The following ALKBH5 variants were observed in gnomAD, a reference collection of about 807,000 sequenced individuals.
ALKBH5 encodes the protein RNA demethylase ALKBH5.
In ALKBH5, 2 loss-of-function variants were observed where a neutral mutation model predicts 32.1. The ratio of observed to expected loss-of-function variants is 0.06; its 90% confidence interval spans 0.03 to 0.20. The LOEUF (loss-of-function observed/expected upper bound fraction) is 0.20. ALKBH5 is among the 10% of genes least tolerant of loss of function. The pLI is 1.00. For missense variants in ALKBH5, 352 were observed against 559.5 expected, an observed-to-expected ratio of 0.63 and a Z score of 3.74; for synonymous variants, 300 against 231.7, an observed-to-expected ratio of 1.29 and a Z score of -2.68.
At chr17:18,193,390 A>G (rs1472625450) in intron 1 of ALKBH5, among the ~76,000 whole-genome samples, 1 of 151,806 alleles carries the variant, frequency 6.6e-6, no homozygotes, top group Non-Finnish European at 1.5e-5. Flanking sequence ...TACTGAAAAT[A>G]ACAAAAATTA....
Position 18,184,217 on chromosome 17 carries a change from G to A in ALKBH5, c.-27G>A. 1 of 1,477,848 alleles carries A rather than the reference G, an allele frequency of 6.8e-7. No individual in the cohort carries two copies. Among genetic ancestry groups the A allele is most frequent in the Non-Finnish European group, 8.9e-7 (1 of 1,123,988 alleles). The allele number at this position is 1,477,848 out of a possible 1,614,324, so 91.5% of individuals were successfully genotyped here. ...GCCCGGCTGCCCCGCCCGCCCCGGAGGACCCTAGAGCAGCGTCGTGGGGGC... is the reference window on the plus strand; with the variant it reads ...GCCCGGCTGCCCCGCCCGCCCCGGAAGACCCTAGAGCAGCGTCGTGGGGGC... On this transcript the variant is annotated 5_prime_UTR_variant, in exon 1 of 4. Coordinates refer to ENST00000399138, the MANE Select transcript of ALKBH5 (RefSeq NM_017758.4).
At chr17:18,193,324 G>T (rs1190068758) in intron 1 of ALKBH5, among the ~76,000 whole-genome samples, 4 of 152,026 alleles carry the variant, frequency 2.6e-5, no homozygotes, top group Non-Finnish European at 5.9e-5. Context: ...GAGGCTGGCG[G>T]ATCACGAGGT....
chr17:18,191,155 G>A (rs1010943671), intron 1 of ALKBH5, among the ~76,000 whole-genome samples: 3 of 152,234 alleles, frequency 2.0e-5, no homozygotes, highest in Non-Finnish European at 2.9e-5. Context: ...TAGCAAGTAG[G>A]TTCCTTAATA....
intron 1 of ALKBH5, among the ~76,000 whole-genome samples, chr17:18,192,524 C>G (rs2047182123): frequency 6.6e-6 from 1 of 152,182 alleles, no homozygotes; most frequent in South Asian, 2.1e-4. Flanking sequence ...TACCCAAGAA[C>G]CTACTGTTCT....
At chr17:18,203,498 C>T (rs1384620323) in intron 2 of ALKBH5, among the ~76,000 whole-genome samples, 2 of 152,166 alleles carry the variant, frequency 1.3e-5, no homozygotes, top group Non-Finnish European at 2.9e-5. Flanking sequence ...CCTCACATGC[C>T]CGAGGTCACA....
intron 2 of ALKBH5, among the ~76,000 whole-genome samples, chr17:18,199,850 A>C (rs1283034436): frequency 6.6e-6 from 1 of 152,156 alleles, no homozygotes; most frequent in African/African-American, 2.4e-5. Flanking sequence ...TCACACCTGT[A>C]ATCCAGCACT....
At chr17:18,188,793 G>A (rs983818698) in intron 1 of ALKBH5, among the ~76,000 whole-genome samples, 2 of 152,330 alleles carry the variant, frequency 1.3e-5, no homozygotes, top group Admixed American at 1.3e-4. Context: ...AGCTGGCCAG[G>A]CTTAGTGGCT....
intron 2 of ALKBH5, among the ~76,000 whole-genome samples, chr17:18,205,014 C>T (rs908554264): frequency 1.1e-4 from 16 of 152,154 alleles, no homozygotes; most frequent in African/African-American, 3.9e-4. Flanking sequence ...CATACCACTG[C>T]CCTCCAGACT....
Position 18,185,028 on chromosome 17 carries a change from T to A in ALKBH5, c.770+15T>A. 1 of 1,598,534 alleles carries A rather than the reference T, an allele frequency of 6.3e-7. No homozygotes were observed. The highest frequency in any genetic ancestry group is 8.5e-7 in the Non-Finnish European group (1 of 1,174,186). ...ACTGTGCTCAGGTAACCCACCCGGG[T>A]GGAGGGGGCGGCCCTGCGCCTGCTG... is the stretch of plus-strand genomic sequence containing the variant. On this transcript the variant is annotated intron_variant, in intron 1 of 3. Coordinates refer to ENST00000399138, the MANE Select transcript of ALKBH5 (RefSeq NM_017758.4).
At chr17:18,199,873 G>A (rs1331816418) in intron 2 of ALKBH5, among the ~76,000 whole-genome samples, 2 of 152,068 alleles carry the variant, frequency 1.3e-5, no homozygotes, top group Non-Finnish European at 2.9e-5. Flanking sequence ...AGGAGGGCGA[G>A]GCAGTTGGAT....
At chr17:18,197,252 GT>G (rs1379811127) in intron 2 of ALKBH5, among the ~76,000 whole-genome samples, 1 of 152,202 alleles carries the variant, frequency 6.6e-6, no homozygotes, top group Non-Finnish European at 1.5e-5. Context: ...GCCTAAGACT[GT>G]TCCCAGAATT....
At chr17:18,190,946 C>T (rs2142472818) in intron 1 of ALKBH5, among the ~76,000 whole-genome samples, 1 of 152,280 alleles carries the variant, frequency 6.6e-6, no homozygotes, top group East Asian at 1.9e-4. Context: ...TGGTCAGTGC[C>T]TCTGGGGCTG....
chr17:18,188,920 A>G (rs2047156221), intron 1 of ALKBH5, among the ~76,000 whole-genome samples: 1 of 152,066 alleles, frequency 6.6e-6, no homozygotes, highest in South Asian at 2.1e-4. Flanking sequence ...TACAAAAACT[A>G]GCCGGGCATG....
At chr17:18,194,260 TCTC>T (rs1273722866) in intron 1 of ALKBH5, among the ~76,000 whole-genome samples, 1 of 151,964 alleles carries the variant, frequency 6.6e-6, no homozygotes, top group Non-Finnish European at 1.5e-5. Flanking sequence ...TTCAAGCGAT[TCTC>T]CTGCCTCAGC....
At chr17:18,187,814 G>T (rs1165834306) in intron 1 of ALKBH5, among the ~76,000 whole-genome samples, 1 of 152,228 alleles carries the variant, frequency 6.6e-6, no homozygotes, top group Non-Finnish European at 1.5e-5. Context: ...GAAGGGAGGG[G>T]CTGGTGAAAA....
Position 18,185,026 on chromosome 17 carries a change from G to A in ALKBH5, c.770+13G>A. On this transcript the variant is annotated intron_variant, in intron 1 of 3. Transcript: ENST00000399138. The stretch of plus-strand genomic sequence containing the variant: ...TGACTGTGCTCAGGTAACCCACCCG[G>A]GTGGAGGGGGCGGCCCTGCGCCTGC... The A allele has an allele frequency of 6.3e-7, 1 of 1,599,252 alleles. No homozygotes were observed. Among genetic ancestry groups the A allele is most frequent in the Non-Finnish European group, 8.5e-7 (1 of 1,174,426 alleles).
rs1491101824 is a variant in ALKBH5, at chr17:18,201,794, A to AGGT, written c.852-5021_852-5020insGGT. Among the ~76,000 whole-genome samples, 364 of 134,482 alleles carry AGGT rather than the reference A, an allele frequency of 2.7e-3. 2 individuals are homozygous for AGGT. Among genetic ancestry groups the AGGT allele is most frequent in the South Asian group, 0.01 (41 of 3,994 alleles). 88.2% of individuals were successfully genotyped at this position (134,482 alleles called of 152,430 possible). On this transcript the variant is annotated intron_variant, in intron 2 of 3. Transcript: ENST00000399138. ...AGATAGATAGATAGATAGGATAGAT[A>AGGT]AGATAGATAGATAGATAGATAGATA...
chr17:18,198,535 G>A (rs965806322), intron 2 of ALKBH5, among the ~76,000 whole-genome samples: 3 of 152,210 alleles, frequency 2.0e-5, no homozygotes, highest in African/African-American at 7.2e-5. Context: ...TTCTGGTGAG[G>A]TTGTGTTACA....
In ALKBH5 at chr17:18,209,535, A is replaced by T. The variant is rs1400384847; in HGVS notation, c.*1139A>T. On this transcript the variant is annotated 3_prime_UTR_variant, in exon 4 of 4. Coordinates refer to ENST00000399138, the MANE Select transcript of ALKBH5 (RefSeq NM_017758.4). Reference sequence around the variant, plus strand: ...GGGCTTTCAAAAAATAATAAGGAAAAAAAGGTAAAGTCTTTGGTAGCTTCT... The same window carrying T: ...GGGCTTTCAAAAAATAATAAGGAAATAAAGGTAAAGTCTTTGGTAGCTTCT... 6.6e-6 allele frequency: 1 copy of T among 152,266 alleles called. No individual in the cohort carries two copies. The highest frequency in any genetic ancestry group is 2.1e-4 in the South Asian group (1 of 4,826). 9.4% of individuals were successfully genotyped at this position (152,266 alleles called of 1,614,324 possible). A position where few individuals can be genotyped will look rare whatever the true frequency, so the allele number is the denominator to read the frequency against.
Sources: gnomAD v4.1 joint callset for allele counts (sites outside exome capture counted in the v4.1 genomes callset) on GRCh38, gnomAD v4.1.1 for gene constraint, MANE v1.5 for transcripts, NCBI Gene and HGNC (gene_info 2026-07-23, HGNC 2026-07-21) for gene names.